SPNS2: variants seen among roughly 807,000 people sequenced by gnomAD.
SPNS2 encodes the protein sphingosine-1-phosphate transporter SPNS2.
SPNS2 carries 37 observed loss-of-function variants against 57.6 expected under a neutral mutation model. The observed-to-expected ratio is 0.64, with a 90% CI of 0.49 to 0.85. SPNS2 has a LOEUF of 0.85. Among genes scored for constraint, SPNS2 ranks in the 40% least tolerant of loss-of-function variants. The pLI is 0.00. For synonymous variants in SPNS2, 440 were observed against 346.9 expected (o/e 1.27, Z -2.98); for missense variants, 831 against 779.1 (o/e 1.07, Z -0.79).
rs776727351 is a variant in SPNS2, at chr17:4,532,583, C to T, written c.834C>T (p.Leu278=). 6.2e-6 allele frequency: 10 copies of T among 1,614,152 alleles called. No individual in the cohort carries two copies. The highest frequency in any genetic ancestry group is 5.0e-5 in the Admixed American group (3 of 60,030). ...VLGMITGTLI[L]ILVPATKRGH... ...GCATGATCACAGGAACACTCATCCT[C>T]ATTCTGGTCCCAGCCACTAAAAGGG... Residue 278 remains leucine (L), a synonymous_variant, in exon 6 of 13, where the codon CTC becomes CTT. Transcript: ENST00000329078.
intron 3 of SPNS2, among the ~76,000 whole-genome samples, chr17:4,528,826 T>C (rs917581407): frequency 1.3e-5 from 2 of 152,132 alleles, no homozygotes; most frequent in African/African-American, 4.8e-5. Flanking sequence ...TAGGCTGATA[T>C]GCAGTGGTGT....
chr17:4,531,377 G>A lies in SPNS2; in HGVS notation c.792+258G>A, dbSNP rs973235363. The stretch of plus-strand genomic sequence containing the variant: ...GGCTGAGGGTTGGAATCTCCCACCC[G>A]GGAGTCCCAGGTTGAGAGAACCAAG... On this transcript the variant is annotated intron_variant, in intron 5 of 12. Transcript: ENST00000329078. 3.3e-5 allele frequency among the ~76,000 whole-genome samples: 5 copies of A among 152,158 alleles called. No individual in the cohort carries two copies. In the East Asian group the frequency reaches 5.8e-4, roughly 18 times the overall value.
chr17:4,533,199 C>G, intron 7 of SPNS2, 44 bp from the exon 8 acceptor site: 1 of 1,581,072 alleles, frequency 6.3e-7, no homozygotes, highest in Non-Finnish European at 8.6e-7. Context: ...AGCCTTAGCC[C>G]TGAGCCGCCT....
chr17:4,531,166 T>A, intron 5 of SPNS2, 47 bp downstream of exon 5: 1 of 1,592,530 alleles, frequency 6.3e-7, no homozygotes, highest in Non-Finnish European at 8.6e-7. Context: ...GGTCCAGACC[T>A]CGCCCCAGGG....
chr17:4,520,078 G>C (rs979717992), intron 2 of SPNS2, among the ~76,000 whole-genome samples: 13 of 152,246 alleles, frequency 8.5e-5, no homozygotes, highest in Non-Finnish European at 1.8e-4. Context: ...GGTCCAGACT[G>C]TGCCTTCCTA....
Position 4,530,784 on chromosome 17 carries a change from G to C in SPNS2, c.725+1G>C. 3 of 1,611,642 alleles carry C rather than the reference G, an allele frequency of 1.9e-6. No homozygotes were observed. The highest frequency in any genetic ancestry group is 2.5e-6 in the Non-Finnish European group (3 of 1,178,826). ...TCTACTTCGCCATCCCACTGGGCAG[G>C]TGAGAGCCGGAGATGCCAGGGTCTG... On this transcript the variant is annotated splice_donor_variant, in intron 4 of 12. Coordinates refer to ENST00000329078, the MANE Select transcript of SPNS2 (RefSeq NM_001124758.3). LOFTEE classifies it high-confidence loss of function.
chr17:4,535,958 A>T lies in SPNS2; in HGVS notation c.1345-118A>T, dbSNP rs573972734. The T allele has an allele frequency of 1.7e-5, 13 of 774,942 alleles. No homozygotes were observed. The East Asian group carries it at 1.9e-4, about 11-fold the overall frequency. The allele number at this position is 774,942 out of a possible 1,614,324, so 48.0% of individuals were successfully genotyped here. ...GGGCCCAGGGGAGAGAGGTGTCAAG[A>T]CGTAGGGCAGGAGTGAGTCTGAGGG... On this transcript the variant is annotated intron_variant, in intron 9 of 12. Coordinates refer to ENST00000329078, the MANE Select transcript of SPNS2 (RefSeq NM_001124758.3).
intron 3 of SPNS2, among the ~76,000 whole-genome samples, chr17:4,528,311 C>T (rs975900891): frequency 1.3e-5 from 2 of 152,056 alleles, no homozygotes; most frequent in African/African-American, 4.8e-5. Flanking sequence ...GTGTGAGCCA[C>T]TGTGCCGGGC....
chr17:4,534,311 C>T (rs1905657433), intron 9 of SPNS2: 2 of 209,386 alleles, frequency 9.6e-6, no homozygotes, highest in South Asian at 1.7e-4. Context: ...CAGCTGGGGA[C>T]AAAGGGCTGT....
chr17:4,513,008 C>T (rs1231278546), intron 1 of SPNS2, among the ~76,000 whole-genome samples: 1 of 152,246 alleles, frequency 6.6e-6, no homozygotes, highest in Non-Finnish European at 1.5e-5. Context: ...CGCAGAGGAG[C>T]CCTGCCTTTC....
At position 4,536,064 on chromosome 17, in the gene SPNS2, C is replaced by A; in HGVS notation, c.1345-12C>A. ...TCTCCTCTGGCCGCTGACCTGCCCG[C>A]CTGTTCCGCAGTACGTGGTCATCCC... On this transcript the variant is annotated splice_polypyrimidine_tract_variant and intron_variant, in intron 9 of 12. Transcript: ENST00000329078. 1.2e-6 allele frequency: 2 copies of A among 1,607,956 alleles called. No homozygotes were observed. Among genetic ancestry groups the A allele is most frequent in the African/African-American group, 1.3e-5 (1 of 74,980 alleles).
chr17:4,537,192 G>T (rs959567562), intron 12 of SPNS2, among the ~76,000 whole-genome samples: 1 of 151,340 alleles, frequency 6.6e-6, no homozygotes, highest in Non-Finnish European at 1.5e-5. Context: ...GCCTCGCATA[G>T]ATCAGGGCCA....
intron 3 of SPNS2, among the ~76,000 whole-genome samples, chr17:4,529,292 C>G (rs1289320758): frequency 6.6e-6 from 1 of 151,956 alleles, no homozygotes; most frequent in Non-Finnish European, 1.5e-5. Context: ...GTTACCCAGG[C>G]TGGTCTCGAA....
chr17:4,504,289 C>G (rs1023497980), intron 1 of SPNS2, among the ~76,000 whole-genome samples: 1 of 152,226 alleles, frequency 6.6e-6, no homozygotes, highest in Non-Finnish European at 1.5e-5. Flanking sequence ...CCAGGTGAAG[C>G]GCCAGGTGGT....
chr17:4,518,258 C>T (rs2144332995), intron 2 of SPNS2, among the ~76,000 whole-genome samples: 1 of 152,292 alleles, frequency 6.6e-6, no homozygotes, highest in East Asian at 1.9e-4. Context: ...GGCGCGGTGG[C>T]TCACGCCTGT....
chr17:4,530,116 G>A (rs1328161768), intron 3 of SPNS2, among the ~76,000 whole-genome samples: 4 of 152,222 alleles, frequency 2.6e-5, no homozygotes, highest in African/African-American at 9.6e-5. Flanking sequence ...TGTGTGCAGG[G>A]GGAGGGGCTC....
At chr17:4,532,806 C>T in intron 6 of SPNS2, 122 bp downstream of exon 6, 1 of 1,443,744 alleles carries the variant, frequency 6.9e-7, no homozygotes, top group Non-Finnish European at 9.3e-7. Flanking sequence ...TGTCTCAGTG[C>T]TGGGAGGGAC....
At chr17:4,500,483 A>G (rs1270606895) in intron 1 of SPNS2, among the ~76,000 whole-genome samples, 4 of 152,118 alleles carry the variant, frequency 2.6e-5, no homozygotes, top group African/African-American at 4.8e-5. Context: ...AGACTGGCAT[A>G]GGAAGGGGCT....
chr17:4,534,728 G>A (rs1191232956), intron 9 of SPNS2, among the ~76,000 whole-genome samples: 2 of 152,122 alleles, frequency 1.3e-5, no homozygotes, highest in African/African-American at 4.8e-5. Flanking sequence ...CGGTGGTGGT[G>A]GGGAGGCCTG....
Sources: allele counts gnomAD v4.1 joint callset (sites outside exome capture counted in the v4.1 genomes callset), GRCh38; gene constraint gnomAD v4.1.1; transcripts MANE v1.5; gene names NCBI Gene and HGNC (gene_info 2026-07-23, HGNC 2026-07-21).